Variants in CNTNAP2 observed in about 807,000 individuals in gnomAD.
The protein encoded by CNTNAP2 is contactin-associated protein-like 2.
Under a neutral mutation model 155.2 loss-of-function variants are expected in CNTNAP2, and 98 were observed. The ratio of observed to expected loss-of-function variants is 0.63; its 90% confidence interval spans 0.54 to 0.75. CNTNAP2 has a LOEUF of 0.75. Ranked by LOEUF, CNTNAP2 falls within the 30% of genes least tolerant of loss-of-function variation. CNTNAP2 has a pLI of 0.00. For synonymous variants in CNTNAP2, 651 were observed against 631.2 expected (o/e 1.03, Z -0.47); for missense variants, 1,727 against 1,688.1 (o/e 1.02, Z -0.40).
At chr7:146,341,584 A>G (rs932279364) in intron 1 of CNTNAP2, among the ~76,000 whole-genome samples, 22 of 152,308 alleles carry the variant, frequency 1.4e-4, no homozygotes, top group African/African-American at 5.1e-4. Flanking sequence ...CACACATAAC[A>G]TAGTAATAAT....
At chr7:147,236,418 CTTG>C (rs1803805124) in intron 8 of CNTNAP2, among the ~76,000 whole-genome samples, 1 of 146,890 alleles carries the variant, frequency 6.8e-6, no homozygotes, top group African/African-American at 2.5e-5. Context: ...TTATTTTAAG[CTTG>C]TTTTTTTTTT....
At chr7:147,982,246 G>A (rs960039925) in intron 15 of CNTNAP2, among the ~76,000 whole-genome samples, 1 of 152,068 alleles carries the variant, frequency 6.6e-6, no homozygotes, top group Non-Finnish European at 1.5e-5. Flanking sequence ...ACTCCTCTAG[G>A]GATACGGGGA....
chr7:147,105,413 C>T (rs1022969269), intron 4 of CNTNAP2, among the ~76,000 whole-genome samples: 8 of 151,888 alleles, frequency 5.3e-5, no homozygotes, highest in Non-Finnish European at 8.8e-5. Context: ...ATCACCGCAT[C>T]GAAAACTTAA....
chr7:147,361,577 A>G (rs1796147885), intron 9 of CNTNAP2, among the ~76,000 whole-genome samples: 2 of 152,176 alleles, frequency 1.3e-5, no homozygotes, highest in South Asian at 4.1e-4. Context: ...CCCTAGTTGT[A>G]TATATTACTT....
chr7:146,929,215 C>T (rs1378130569), intron 3 of CNTNAP2, among the ~76,000 whole-genome samples: 6 of 152,294 alleles, frequency 3.9e-5, no homozygotes, highest in South Asian at 2.1e-4. Flanking sequence ...ACACCTCACA[C>T]GGCCGGGTAC....
intron 1 of CNTNAP2, among the ~76,000 whole-genome samples, chr7:146,738,136 G>A (rs369786000): frequency 2.6e-5 from 4 of 152,054 alleles, no homozygotes; most frequent in African/African-American, 9.6e-5. Context: ...CCCACAAATA[G>A]TGTGCATGGG....
In CNTNAP2 at chr7:147,687,581, A is replaced by T. The variant is rs150907763; in HGVS notation, c.2098+48275A>T. Among the ~76,000 whole-genome samples the T allele has an allele frequency of 3.5e-3, 529 of 152,232 alleles. 2 individuals carry two copies. Among genetic ancestry groups the T allele is most frequent in the African/African-American group, 0.012 (496 of 41,552 alleles). ...GCTCACATGGGTTTAAGGGTCATGA[A>T]GACCATGCTTCATATTGTTAATGTT... On this transcript the variant is annotated intron_variant, in intron 13 of 23. Transcript: ENST00000361727.
intron 1 of CNTNAP2, among the ~76,000 whole-genome samples, chr7:146,574,306 G>A (rs1408157238): frequency 3.3e-5 from 5 of 152,112 alleles, no homozygotes; most frequent in Admixed American, 2.6e-4. Flanking sequence ...ACACGTTCAC[G>A]CACACATAGA....
intron 3 of CNTNAP2, among the ~76,000 whole-genome samples, chr7:146,875,962 CAAAAA>C (rs1166787106): frequency 1.1e-3 from 83 of 74,922 alleles, no homozygotes; most frequent in Non-Finnish European, 1.8e-3. Context: ...AAAAAAAAAA[CAAAAA>C]ACAAAAAAAC....
rs560961742 is a variant in CNTNAP2, at chr7:147,975,496, T to G, written c.2256-2366T>G. On this transcript the variant is annotated intron_variant, in intron 14 of 23. Transcript: ENST00000361727. ...ATTCCACCATTTAAAGACCTTGTTTTTATAAAATTACCCATACTATCTTAT... is the reference window on the plus strand; with the variant it reads ...ATTCCACCATTTAAAGACCTTGTTTGTATAAAATTACCCATACTATCTTAT... 4.6e-5 allele frequency among the ~76,000 whole-genome samples: 7 copies of G among 152,238 alleles called. No individual in the cohort carries two copies. The East Asian group carries it at 1.4e-3, about 29-fold the overall frequency.
In CNTNAP2 at chr7:147,678,296, A is replaced by C. The variant is rs559016941; in HGVS notation, c.2098+38990A>C. Among the ~76,000 whole-genome samples, 10 of 151,938 alleles carry C rather than the reference A, an allele frequency of 6.6e-5. No homozygotes were observed. The South Asian group carries it at 2.1e-3, about 32-fold the overall frequency. On this transcript the variant is annotated intron_variant, in intron 13 of 23. Transcript: ENST00000361727. ...GCTGGCTTTGAAAAATGTTTTGAAG[A>C]GGCATCTTCTCCAGAAATCTTTTGA...
At chr7:147,042,542 T>C (rs188417250) in intron 3 of CNTNAP2, among the ~76,000 whole-genome samples, 12 of 152,258 alleles carry the variant, frequency 7.9e-5, no homozygotes, top group African/African-American at 2.9e-4. Flanking sequence ...AGCTACTCTG[T>C]ATTTTTTTTT....
At chr7:146,174,227 G>GA (rs935129678) in intron 1 of CNTNAP2, among the ~76,000 whole-genome samples, 8 of 150,144 alleles carry the variant, frequency 5.3e-5, no homozygotes, top group South Asian at 2.1e-4. Context: ...AGAAAAAAAA[G>GA]AAAAAAAACC....
chr7:148,034,548 C>T (rs1802538574), intron 15 of CNTNAP2, among the ~76,000 whole-genome samples: 1 of 152,156 alleles, frequency 6.6e-6, no homozygotes, highest in Admixed American at 6.5e-5. Context: ...ATGCCAGCAC[C>T]TTGATCTTGA....
intron 22 of CNTNAP2, among the ~76,000 whole-genome samples, chr7:148,384,985 T>G (rs1363591951): frequency 6.6e-6 from 1 of 152,224 alleles, no homozygotes; most frequent in East Asian, 1.9e-4. Flanking sequence ...GCTTGAACCT[T>G]GAGTAAAGAC....
At position 146,116,912 on chromosome 7, in the gene CNTNAP2, G is replaced by C. The variant is rs1428678213; in HGVS notation, c.36G>C (p.Ala12=). The C allele has an allele frequency of 1.9e-6, 3 of 1,549,406 alleles. No individual in the cohort carries two copies. The highest frequency in any genetic ancestry group is 8.7e-7 in the Non-Finnish European group (1 of 1,145,584). The change falls in exon 1 of 24, where the codon GCG becomes GCC. Residue 12 remains alanine (A), a synonymous_variant. Coordinates refer to ENST00000361727, the MANE Select transcript of CNTNAP2 (RefSeq NM_014141.6). The surrounding 1 kb of genome is among the most constrained non-coding windows in gnomAD (Gnocchi z 5.5). ...CTCCGCGCGCCGGCTGCGGGGCAGC[G>C]CTCCTGCTGTGGATTGTCAGCAGCT... ...QAAPRAGCGA[A]LLLWIVSSCL...
At chr7:148,215,645 T>G (rs1013634181) in intron 18 of CNTNAP2, among the ~76,000 whole-genome samples, 1 of 152,104 alleles carries the variant, frequency 6.6e-6, no homozygotes, top group Admixed American at 6.5e-5. Context: ...TTTGTAATAA[T>G]AGTTCACTAA....
intron 9 of CNTNAP2, among the ~76,000 whole-genome samples, chr7:147,370,477 G>A (rs948018581): frequency 1.3e-5 from 2 of 152,116 alleles, no homozygotes; most frequent in African/African-American, 2.4e-5. Context: ...CAGGAATTCC[G>A]TGAGTCGCTT....
At chr7:146,212,582 T>C (rs753507201) in intron 1 of CNTNAP2, among the ~76,000 whole-genome samples, 33 of 152,188 alleles carry the variant, frequency 2.2e-4, no homozygotes, top group Non-Finnish European at 4.4e-4. Context: ...TCAGGTTATT[T>C]TATGAGTAAT....
Sources: gnomAD v4.1 joint callset for allele counts (sites outside exome capture counted in the v4.1 genomes callset) on GRCh38, gnomAD v4.1.1 for gene constraint, Gnocchi (gnomAD v3.1) non-coding constraint, MANE v1.5 for transcripts, NCBI Gene and HGNC (gene_info 2026-07-23, HGNC 2026-07-21) for gene names.